The following BAZ1B variants were observed in gnomAD, a reference collection of about 807,000 sequenced individuals.
The protein encoded by BAZ1B is bromodomain adjacent to zinc finger domain 1B, also known as tyrosine-protein kinase BAZ1B.
Under a neutral mutation model 153.8 loss-of-function variants are expected in BAZ1B, and 22 were observed. The ratio of observed to expected loss-of-function variants is 0.14; its 90% CI spans 0.10 to 0.20. BAZ1B has a LOEUF of 0.20. BAZ1B is among the 10% of genes least tolerant of loss of function. The probability of loss-of-function intolerance (pLI) is 1.00; values close to 1 mark genes in which losing one functional copy is unlikely to be tolerated. For synonymous variants in BAZ1B, 676 were observed against 633.4 expected, an observed-to-expected ratio of 1.07 and a Z score of -1.01; for missense variants, 1,325 against 1,799.3, an observed-to-expected ratio of 0.74 and a Z score of 4.77.
intron 1 of BAZ1B, among the ~76,000 whole-genome samples, chr7:73,515,152 T>TA (rs2115598517): frequency 6.6e-6 from 1 of 152,358 alleles, no homozygotes; most frequent in South Asian, 2.1e-4. Flanking sequence ...TACAGTCCTC[T>TA]ATTATTCGTC....
rs75899270 is a variant in BAZ1B, at chr7:73,482,859, G to A, written c.892-4290C>T. Among the ~76,000 whole-genome samples the A allele has an allele frequency of 7.6e-3, 1,155 of 152,190 alleles. 10 individuals are homozygous for A. The highest frequency in any genetic ancestry group is 0.013 in the Non-Finnish European group (869 of 68,006). Reference sequence around the variant, plus strand: ...TCACCCAACCCCCTCCCAATAGGCCGGCTCCCCACGTGAGCAGTCCTTCAG... The same window carrying A: ...TCACCCAACCCCCTCCCAATAGGCCAGCTCCCCACGTGAGCAGTCCTTCAG... On this transcript the variant is annotated intron_variant, in intron 6 of 19. Transcript: ENST00000339594.
chr7:73,505,739 T>G (rs1012874164), intron 3 of BAZ1B, among the ~76,000 whole-genome samples: 5 of 152,118 alleles, frequency 3.3e-5, no homozygotes, highest in Admixed American at 6.6e-5. Flanking sequence ...TTTGGAGAGA[T>G]AGGGTATCGC....
chr7:73,495,223 C>T (rs1289577622), intron 4 of BAZ1B, among the ~76,000 whole-genome samples: 1 of 152,224 alleles, frequency 6.6e-6, no homozygotes, highest in Admixed American at 6.5e-5. Context: ...GCGAAGGTTG[C>T]AGTGAGCCAA....
At chr7:73,469,052 C>T (rs1181871571) in intron 9 of BAZ1B, among the ~76,000 whole-genome samples, 1 of 151,692 alleles carries the variant, frequency 6.6e-6, no homozygotes, top group Non-Finnish European at 1.5e-5. Flanking sequence ...AGTGTTTGAA[C>T]CCAGGAGGTG....
At chr7:73,451,085 G>A in intron 13 of BAZ1B, 91 bp from the exon 14 acceptor site, 1 of 1,452,880 alleles carries the variant, frequency 6.9e-7, no homozygotes, top group Non-Finnish European at 9.3e-7. Context: ...AGAGAATTCT[G>A]AGGACACTTG....
At chr7:73,464,799 CA>C (rs1439185822) in intron 11 of BAZ1B, among the ~76,000 whole-genome samples, 3 of 152,168 alleles carry the variant, frequency 2.0e-5, no homozygotes, top group African/African-American at 7.2e-5. Context: ...GATCTTGGCT[CA>C]ATGCAACCTC....
chr7:73,444,183 C>G, intron 16 of BAZ1B, 54 bp from the exon 17 acceptor site: 1 of 1,507,300 alleles, frequency 6.6e-7, no homozygotes, highest in South Asian at 1.3e-5. Flanking sequence ...AAGGGAGGAG[C>G]ATCTTCGAAA....
At chr7:73,501,643 C>T (rs1554577169) in intron 3 of BAZ1B, among the ~76,000 whole-genome samples, 1 of 152,120 alleles carries the variant, frequency 6.6e-6, no homozygotes, top group African/African-American at 2.4e-5. Context: ...TGAGAAACCC[C>T]GTTCCTGACC....
At chr7:73,472,180 A>C (rs1554572082) in intron 7 of BAZ1B, among the ~76,000 whole-genome samples, 1 of 152,224 alleles carries the variant, frequency 6.6e-6, no homozygotes, top group Non-Finnish European at 1.5e-5. Context: ...TGCAAGAAGA[A>C]ATTATTACGT....
rs183658382 is a variant in BAZ1B at position 73,443,039 on chromosome 7, C to G, written c.3991-211G>C. ...CAGTAGTCCACTCACTCGCCTCCCC[C>G]GGGGCCACGGCAATCAAAGCAGCAA... is the stretch of plus-strand genomic sequence containing the variant. On this transcript the variant is annotated intron_variant, in intron 17 of 19. Transcript: ENST00000339594. Among the ~76,000 whole-genome samples, 1,066 of 152,320 alleles carry G rather than the reference C, an allele frequency of 7.0e-3. 13 individuals carry two copies. The highest frequency in any genetic ancestry group is 0.025 in the African/African-American group (1,043 of 41,572).
intron 16 of BAZ1B, among the ~76,000 whole-genome samples, chr7:73,446,970 G>A (rs1173027298): frequency 2.6e-5 from 4 of 152,250 alleles, no homozygotes; most frequent in African/African-American, 7.2e-5. Flanking sequence ...CCGAGGAGCT[G>A]AGAATCAGCA....
intron 6 of BAZ1B, among the ~76,000 whole-genome samples, chr7:73,488,391 T>TG (rs1789499736): frequency 6.6e-6 from 1 of 152,176 alleles, no homozygotes; most frequent in Non-Finnish European, 1.5e-5. Flanking sequence ...ATGTACCATA[T>TG]AACTTCATAA....
chr7:73,511,110 T>A (rs1179780597), intron 1 of BAZ1B, among the ~76,000 whole-genome samples: 6 of 151,376 alleles, frequency 4.0e-5, no homozygotes, highest in Non-Finnish European at 5.9e-5. Context: ...CTACTAAAAA[T>A]ACAAAAAATT....
intron 7 of BAZ1B, among the ~76,000 whole-genome samples, chr7:73,472,253 C>CT (rs1205328154): frequency 1.5e-3 from 220 of 146,480 alleles, no homozygotes; most frequent in Admixed American, 1.6e-3. Flanking sequence ...CACAGTTATA[C>CT]TTTTTTTTTT....
chr7:73,468,898 G>A lies in BAZ1B; in HGVS notation c.2866+619C>T, dbSNP rs147354055. Among the ~76,000 whole-genome samples the A allele has an allele frequency of 4.8e-3, 734 of 152,288 alleles. 8 individuals are homozygous for A. Among genetic ancestry groups the A allele is most frequent in the African/African-American group, 0.017 (706 of 41,566 alleles). On this transcript the variant is annotated intron_variant, in intron 9 of 19. Transcript: ENST00000339594. ...AATCCCCAGCACTTTGGGAGGCCGA[G>A]GTGGGCAGATCACCTGAGGTCAGGA...
chr7:73,497,065 C>CAAAAAAAAAAAAAAAAAAAAAAAAA (rs1156829240), intron 4 of BAZ1B, among the ~76,000 whole-genome samples: 7 of 49,506 alleles, frequency 1.4e-4, no homozygotes, highest in African/African-American at 4.4e-4. Flanking sequence ...CTGACCTCTA[C>CAAAAAAAAAAAAAAAAAAAAAAAAA]AAAAAAAAAA....
At chr7:73,513,471 T>C (rs1297896152) in intron 1 of BAZ1B, among the ~76,000 whole-genome samples, 2 of 152,160 alleles carry the variant, frequency 1.3e-5, no homozygotes, top group East Asian at 1.9e-4. Context: ...ACAAAATATA[T>C]AGAATGTTTG....
chr7:73,448,734 C>G (rs1554567339), intron 15 of BAZ1B, among the ~76,000 whole-genome samples: 1 of 152,208 alleles, frequency 6.6e-6, no homozygotes, highest in African/African-American at 2.4e-5. Context: ...AACAAACGGT[C>G]TGTAACAAGT....
Position 73,450,926 on chromosome 7 carries a change from C to T in BAZ1B, c.3501G>A (p.Val1167=), listed in dbSNP as rs782545578. ...TACAGGCATCAAGCATCCCAAGCAGCACGTGCATCCTGGAGAAAGTCTGAG... is the reference window on the plus strand; with the variant it reads ...TACAGGCATCAAGCATCCCAAGCAGTACGTGCATCCTGGAGAAAGTCTGAG... ...REAQTFSRMH[V]LLGMLDACIK... Residue 1167 remains valine (V), a synonymous_variant, in exon 14 of 20, where the codon GTG becomes GTA. Transcript: ENST00000339594. The surrounding 1 kb of genome is among the most constrained non-coding windows in gnomAD (Gnocchi z 4.1). 1 of 1,614,182 alleles carries T rather than the reference C, an allele frequency of 6.2e-7. No homozygotes were observed. The highest frequency in any genetic ancestry group is 8.5e-7 in the Non-Finnish European group (1 of 1,180,040).
Sources: allele counts gnomAD v4.1 joint callset (sites outside exome capture counted in the v4.1 genomes callset), GRCh38; gene constraint gnomAD v4.1.1; non-coding constraint Gnocchi (gnomAD v3.1); transcripts MANE v1.5; gene names NCBI Gene and HGNC (gene_info 2026-07-23, HGNC 2026-07-21).